The following CLSTN2 variants were observed in gnomAD, a reference collection of about 807,000 sequenced individuals.
CLSTN2 encodes calsyntenin-2.
A neutral mutation model predicts 101.2 loss-of-function variants in CLSTN2; 48 were observed. That is an observed-to-expected ratio of 0.47 (90% confidence interval 0.38 to 0.60). The LOEUF is 0.60. CLSTN2 is among the 20% of genes least tolerant of loss of function. CLSTN2 has a pLI of 0.00. For missense variants in CLSTN2, 1,160 were observed against 1,238.2 expected (o/e 0.94, Z 0.95); for synonymous variants, 481 against 463.6 (o/e 1.04, Z -0.48).
Position 140,567,221 on chromosome 3 carries a change from G to C in CLSTN2, c.*968G>C, listed in dbSNP as rs1252001062. ...TGGTGGGTGGAGTGGGGGTGGCTGGGCTCCCCCAGGACAGAGGGGACCCTG... is the reference window on the plus strand; with the variant it reads ...TGGTGGGTGGAGTGGGGGTGGCTGGCCTCCCCCAGGACAGAGGGGACCCTG... On this transcript the variant is annotated 3_prime_UTR_variant, in exon 17 of 17. Coordinates refer to ENST00000458420, the MANE Select transcript of CLSTN2 (RefSeq NM_022131.3). 1 of 152,282 alleles carries C rather than the reference G, an allele frequency of 6.6e-6. No homozygotes were observed. Among genetic ancestry groups the C allele is most frequent in the Admixed American group, 6.5e-5 (1 of 15,292 alleles). 9.4% of individuals were successfully genotyped at this position (152,282 alleles called of 1,614,324 possible). A position where few individuals can be genotyped will look rare whatever the true frequency, so the allele number is the denominator to read the frequency against.
intron 2 of CLSTN2, among the ~76,000 whole-genome samples, chr3:140,302,400 CTG>C (rs1316744770): frequency 6.6e-6 from 1 of 152,188 alleles, no homozygotes; most frequent in Non-Finnish European, 1.5e-5. Context: ...TGGTGAATAA[CTG>C]TGTTCATTTG....
chr3:140,193,717 G>A (rs2010605424), intron 2 of CLSTN2, among the ~76,000 whole-genome samples: 2 of 151,900 alleles, frequency 1.3e-5, no homozygotes. Flanking sequence ...TTTTTGCTTT[G>A]AGGATTTTTT....
intron 2 of CLSTN2, among the ~76,000 whole-genome samples, chr3:140,192,639 T>C (rs888532124): frequency 1.3e-5 from 2 of 149,372 alleles, no homozygotes; most frequent in African/African-American, 4.8e-5. Context: ...TGATTATTGT[T>C]TGCATGATAT....
chr3:140,022,136 T>C (rs1163731770), intron 1 of CLSTN2, among the ~76,000 whole-genome samples: 1 of 152,172 alleles, frequency 6.6e-6, no homozygotes, highest in Non-Finnish European at 1.5e-5. Context: ...GGGGGCAGCC[T>C]GGTTGCCCCA....
At chr3:140,131,177 C>A (rs1470608140) in intron 1 of CLSTN2, among the ~76,000 whole-genome samples, 1 of 151,594 alleles carries the variant, frequency 6.6e-6, no homozygotes, top group Non-Finnish European at 1.5e-5. Flanking sequence ...AAAATCCGGG[C>A]TTTATTTCTT....
chr3:139,974,635 GTTT>G (rs1935779664), intron 1 of CLSTN2, among the ~76,000 whole-genome samples: 1 of 152,230 alleles, frequency 6.6e-6, no homozygotes, highest in African/African-American at 2.4e-5. Flanking sequence ...GGGCAGGAAG[GTTT>G]TTAACTAATT....
At chr3:140,292,607 G>T (rs946793350) in intron 2 of CLSTN2, among the ~76,000 whole-genome samples, 6 of 152,194 alleles carry the variant, frequency 3.9e-5, no homozygotes, top group African/African-American at 1.4e-4. Context: ...GCATAGAGAA[G>T]AGAATCATGC....
chr3:140,267,322 C>G (rs2086703617), intron 2 of CLSTN2, among the ~76,000 whole-genome samples: 1 of 152,108 alleles, frequency 6.6e-6, no homozygotes, highest in Admixed American at 6.5e-5. Context: ...GATTTTGGAG[C>G]AAGCCCACTC....
chr3:140,344,849 T>C (rs1377057569), intron 2 of CLSTN2, among the ~76,000 whole-genome samples: 1 of 152,194 alleles, frequency 6.6e-6, no homozygotes, highest in Non-Finnish European at 1.5e-5. Context: ...CTTAGAGGTT[T>C]TGAAGAGCAA....
chr3:140,092,406 T>G (rs939888075), intron 1 of CLSTN2, among the ~76,000 whole-genome samples: 2 of 152,306 alleles, frequency 1.3e-5, no homozygotes, highest in Admixed American at 6.5e-5. Flanking sequence ...GTTCACTAAA[T>G]TGTACTCAGT....
intron 2 of CLSTN2, among the ~76,000 whole-genome samples, chr3:140,283,183 C>T (rs1249101566): frequency 6.6e-6 from 1 of 152,068 alleles, no homozygotes; most frequent in African/African-American, 2.4e-5. Flanking sequence ...ATATGGCAAA[C>T]TTTGTTTTCC....
chr3:140,525,111 A>T (rs1935110368), intron 8 of CLSTN2, among the ~76,000 whole-genome samples: 1 of 152,228 alleles, frequency 6.6e-6, no homozygotes, highest in African/African-American at 2.4e-5. Flanking sequence ...AGGAGAACTG[A>T]ACAAAATTAG....
At chr3:140,049,064 A>G (rs2007938175) in intron 1 of CLSTN2, among the ~76,000 whole-genome samples, 1 of 152,140 alleles carries the variant, frequency 6.6e-6, no homozygotes, top group Non-Finnish European at 1.5e-5. Context: ...CTGGAACTTG[A>G]GTTTGAGCCA....
intron 2 of CLSTN2, among the ~76,000 whole-genome samples, chr3:140,349,171 G>C (rs2087581556): frequency 6.6e-6 from 1 of 152,158 alleles, no homozygotes; most frequent in South Asian, 2.1e-4. Flanking sequence ...TGTGAAGAAG[G>C]ATGTGTTTAC....
intron 2 of CLSTN2, among the ~76,000 whole-genome samples, chr3:140,343,461 C>T (rs1381063725): frequency 6.6e-6 from 1 of 152,216 alleles, no homozygotes; most frequent in Non-Finnish European, 1.5e-5. Context: ...GTGTACTTGA[C>T]ATAAGATTGC....
At chr3:140,465,332 C>T (rs1036461535) in intron 7 of CLSTN2, among the ~76,000 whole-genome samples, 4 of 152,186 alleles carry the variant, frequency 2.6e-5, no homozygotes, top group African/African-American at 9.7e-5. Flanking sequence ...TATAATAAAA[C>T]TTCCAGCGGG....
chr3:140,097,644 G>A (rs374995989), intron 1 of CLSTN2, among the ~76,000 whole-genome samples: 15 of 152,252 alleles, frequency 9.9e-5, no homozygotes, highest in African/African-American at 3.1e-4. Flanking sequence ...TGATGGGGGC[G>A]GTCAGAGAGC....
intron 4 of CLSTN2, among the ~76,000 whole-genome samples, chr3:140,413,961 T>G (rs964421644): frequency 6.6e-6 from 1 of 152,110 alleles, no homozygotes; most frequent in African/African-American, 2.4e-5. Context: ...GTGAAAAGTT[T>G]AAAGCTTTTT....
At chr3:140,507,870 G>T (rs539276911) in intron 8 of CLSTN2, 2 of 152,204 alleles carry the variant, frequency 1.3e-5, no homozygotes, top group South Asian at 4.2e-4. Flanking sequence ...GATTCTTCCT[G>T]CAAGATAGAT....
Sources: allele counts gnomAD v4.1 joint callset (sites outside exome capture counted in the v4.1 genomes callset), GRCh38; gene constraint gnomAD v4.1.1; transcripts MANE v1.5; gene names NCBI Gene and HGNC (gene_info 2026-07-23, HGNC 2026-07-21).